Variants in LIMCH1 observed in about 807,000 individuals in gnomAD.
The protein encoded by LIMCH1 is LIM and calponin homology domains-containing protein 1.
In LIMCH1, 113 loss-of-function variants were observed where a neutral mutation model predicts 176.5. The ratio of observed to expected loss-of-function variants is 0.64; its 90% CI spans 0.55 to 0.75. The LOEUF (loss-of-function observed/expected upper bound fraction) is 0.75, where lower values mean the gene tolerates loss of function less well. Among genes scored for constraint, LIMCH1 ranks in the 30% least tolerant of loss-of-function variants. The pLI is 0.00. For missense variants in LIMCH1, 1,674 were observed against 1,814.9 expected, an observed-to-expected ratio of 0.92 and a Z score of 1.41; for synonymous variants, 619 against 645.9, an observed-to-expected ratio of 0.96 and a Z score of 0.63.
intron 9 of LIMCH1, 79 bp downstream of exon 9, chr4:41,629,813 G>A: frequency 1.5e-6 from 2 of 1,370,072 alleles, no homozygotes; most frequent in South Asian, 1.5e-5. Context: ...TTATCTTTGT[G>A]TCTTTTTTTT....
chr4:41,449,644 G>A (rs916730751), intron 1 of LIMCH1, among the ~76,000 whole-genome samples: 1 of 151,906 alleles, frequency 6.6e-6, no homozygotes, highest in Non-Finnish European at 1.5e-5. Flanking sequence ...CCACTTTTTG[G>A]TCATAGTTAA....
chr4:41,623,729 C>T (rs994383651), intron 7 of LIMCH1, among the ~76,000 whole-genome samples: 1 of 152,162 alleles, frequency 6.6e-6, no homozygotes, highest in Admixed American at 6.5e-5. Context: ...TCACTGCACT[C>T]CAGCCTGGGC....
At chr4:41,375,501 T>TA (rs1304757146) in intron 1 of LIMCH1, among the ~76,000 whole-genome samples, 4 of 152,234 alleles carry the variant, frequency 2.6e-5, no homozygotes, top group East Asian at 1.9e-4. Context: ...ACTGTAACTT[T>TA]AAAAAAATGT....
intron 1 of LIMCH1, among the ~76,000 whole-genome samples, chr4:41,438,021 T>C (rs1170183273): frequency 6.6e-6 from 1 of 152,258 alleles, no homozygotes; most frequent in Non-Finnish European, 1.5e-5. Context: ...ACCTGGAATA[T>C]GAGAAAGTGC....
rs2093188661 is a variant in LIMCH1, at chr4:41,629,566, AAGG to A, written c.1108_1110del (p.Gly370del). 1 of 1,535,922 alleles carries A rather than the reference AAGG, an allele frequency of 6.5e-7. No homozygotes were observed. Among genetic ancestry groups the A allele is most frequent in the African/African-American group, 1.4e-5 (1 of 72,984 alleles). ...AGGGCTCAGGAAAGTGAACCTGTGG[AAGG>A]AGGACTCAGGAAGGTGCCAGATCTT... is the stretch of plus-strand genomic sequence containing the variant. On this transcript the variant is annotated inframe_deletion, in exon 9 of 32. Transcript: ENST00000503057.
At chr4:41,493,416 A>T (rs1446042619) in intron 1 of LIMCH1, among the ~76,000 whole-genome samples, 2 of 151,822 alleles carry the variant, frequency 1.3e-5, no homozygotes, top group Non-Finnish European at 2.9e-5. Flanking sequence ...TGAGTTCTAC[A>T]TTTGTGGGTT....
rs1279996770 is a variant in LIMCH1, at chr4:41,619,120, C to G, written c.206-68C>G. On this transcript the variant is annotated intron_variant, in intron 5 of 31. Coordinates refer to ENST00000503057, the MANE Select transcript of LIMCH1 (RefSeq NM_001330672.2). ...CACAGATTGAACCACATCCCTAATG[C>G]ATGCTTAACATTGGGAACTTTCTGC... 3.9e-6 allele frequency: 6 copies of G among 1,548,948 alleles called. No individual in the cohort carries two copies. The East Asian group carries it at 1.4e-4, about 35-fold the overall frequency.
At chr4:41,512,923 C>T (rs1454623828) in intron 2 of LIMCH1, among the ~76,000 whole-genome samples, 1 of 152,164 alleles carries the variant, frequency 6.6e-6, no homozygotes, top group South Asian at 2.1e-4. Flanking sequence ...CATTAAAACA[C>T]AAACACATAC....
At chr4:41,470,352 A>G (rs1403788815) in intron 1 of LIMCH1, among the ~76,000 whole-genome samples, 1 of 152,162 alleles carries the variant, frequency 6.6e-6, no homozygotes, top group Non-Finnish European at 1.5e-5. Context: ...GTGTAAGGCT[A>G]GACCTTACCC....
At chr4:41,360,596 C>G (rs1561115306), upstream of LIMCH1, 1 of 252,824 alleles carries the variant, frequency 4.0e-6, no homozygotes, top group Non-Finnish European at 7.4e-6. The surrounding 1 kb of genome is among the most constrained non-coding windows in gnomAD (Gnocchi z 4.5). Context: ...AGAAGAAGCT[C>G]CCGGCGCCTC....
chr4:41,499,212 A>G (rs1283353743), intron 2 of LIMCH1, among the ~76,000 whole-genome samples: 1 of 152,212 alleles, frequency 6.6e-6, no homozygotes, highest in Non-Finnish European at 1.5e-5. Context: ...AAATTTATAG[A>G]AAAGTTACAA....
chr4:41,680,725 T>C (rs751051710), intron 24 of LIMCH1, among the ~76,000 whole-genome samples: 2 of 152,238 alleles, frequency 1.3e-5, no homozygotes, highest in African/African-American at 2.4e-5. Flanking sequence ...TTACTCTAAC[T>C]AATTAATTTG....
chr4:41,544,193 A>G (rs1583792752), intron 1 of LIMCH1, among the ~76,000 whole-genome samples: 1 of 152,290 alleles, frequency 6.6e-6, no homozygotes, highest in East Asian at 1.9e-4. Context: ...TATTAAATAA[A>G]TCTATGACTC....
rs141405794 is a variant in LIMCH1, at chr4:41,569,972, G to A, written c.-240-28948G>A. The stretch of plus-strand genomic sequence containing the variant: ...TTCTCTTTCATGAGTAAATAGATAA[G>A]ACTAAATGACAGCCATTTATAGCAT... On this transcript the variant is annotated intron_variant, in intron 1 of 31. Transcript: ENST00000503057. Among the ~76,000 whole-genome samples, 268 of 152,304 alleles carry A rather than the reference G, an allele frequency of 1.8e-3. 2 individuals carry two copies. The highest frequency in any genetic ancestry group is 6.1e-3 in the African/African-American group (254 of 41,568).
intron 1 of LIMCH1, among the ~76,000 whole-genome samples, chr4:41,456,783 A>C (rs1236531049): frequency 6.6e-6 from 1 of 152,144 alleles, no homozygotes; most frequent in African/African-American, 2.4e-5. Context: ...GGGTCAGCTC[A>C]GAGGTTTGGG....
intron 19 of LIMCH1, chr4:41,661,923 T>C (rs1355231439): frequency 2.4e-6 from 1 of 414,478 alleles, no homozygotes. Flanking sequence ...ATGAATAAAA[T>C]AGTGCCATGA....
chr4:41,639,287 A>C (rs1015275891), intron 14 of LIMCH1, among the ~76,000 whole-genome samples: 3 of 152,228 alleles, frequency 2.0e-5, no homozygotes, highest in Admixed American at 1.3e-4. Flanking sequence ...GATTTATTTA[A>C]AGGGCATTCT....
intron 18 of LIMCH1, among the ~76,000 whole-genome samples, chr4:41,659,782 TTTAA>T (rs1243192336): frequency 2.0e-5 from 3 of 152,174 alleles, no homozygotes; most frequent in African/African-American, 7.2e-5. Flanking sequence ...ACTTGCTCTC[TTTAA>T]TTATCAAAAT....
chr4:41,667,805 C>T (rs530763577), intron 21 of LIMCH1, among the ~76,000 whole-genome samples: 9 of 152,066 alleles, frequency 5.9e-5, no homozygotes, highest in Non-Finnish European at 1.0e-4. Flanking sequence ...ACAACTAGAC[C>T]GCTGAGTTTT....
Sources: gnomAD v4.1 joint callset for allele counts (sites outside exome capture counted in the v4.1 genomes callset) on GRCh38, gnomAD v4.1.1 for gene constraint, Gnocchi (gnomAD v3.1) non-coding constraint, MANE v1.5 for transcripts, NCBI Gene and HGNC (gene_info 2026-07-23, HGNC 2026-07-21) for gene names.